ANKRD54: variants seen among roughly 807,000 people sequenced by gnomAD.
ANKRD54 encodes the protein ankyrin repeat domain 54.
A neutral mutation model predicts 36.2 loss-of-function variants in ANKRD54; 26 were observed. The ratio of observed to expected loss-of-function variants is 0.72; its 90% CI spans 0.53 to 1.00. ANKRD54 has a LOEUF of 1.00. ANKRD54 is among the 50% of genes least tolerant of loss of function. ANKRD54 has a pLI of 0.00. For missense variants in ANKRD54, 384 were observed against 424.3 expected, an observed-to-expected ratio of 0.91 and a Z score of 0.83; for synonymous variants, 209 against 188.4, an observed-to-expected ratio of 1.11 and a Z score of -0.89.
In ANKRD54 at chr22:37,844,087, G is replaced by T; in HGVS notation, c.152C>A (p.Ala51Glu). The T allele has an allele frequency of 6.9e-7, 1 of 1,448,816 alleles. No homozygotes were observed. Among genetic ancestry groups the T allele is most frequent in the East Asian group, 3.0e-5 (1 of 33,248 alleles). The allele number at this position is 1,448,816 out of a possible 1,614,324, so 89.7% of individuals were successfully genotyped here. The change falls in exon 1 of 8, where the codon GCG becomes GAG. Residue 51 changes from alanine to glutamate, a missense_variant. This residue lies in a region of ANKRD54 where 195 missense variants were observed against 177.7 expected (regional missense o/e 1.10). Coordinates refer to ENST00000215941, the MANE Select transcript of ANKRD54 (RefSeq NM_138797.4). ...DFGSALGGGGAGLSGRASGGA... is the reference protein window; with the variant it reads ...DFGSALGGGGEGLSGRASGGA... ...GCCGGACGCCCGGCCCGAGAGGCCCGCGCCGCCGCCGCCCAGCGCAGACCC... is the reference window on the plus strand; with the variant it reads ...GCCGGACGCCCGGCCCGAGAGGCCCTCGCCGCCGCCGCCCAGCGCAGACCC...
intron 4 of ANKRD54, 58 bp downstream of exon 4, chr22:37,833,626 T>A: frequency 1.3e-6 from 2 of 1,591,956 alleles, no homozygotes; most frequent in South Asian, 2.2e-5. Flanking sequence ...ACCCTCTTCA[T>A]CTAAAGAGCC....
upstream of ANKRD54, chr22:37,844,398 C>A (rs547804798): frequency 3.5e-5 from 25 of 713,806 alleles, no homozygotes; most frequent in Admixed American, 8.4e-4. Flanking sequence ...CGAGACAGAG[C>A]GGCGAACCAA....
intron 3 of ANKRD54, chr22:37,834,692 T>C: frequency 1.4e-5 from 1 of 69,572 alleles, no homozygotes; most frequent in Non-Finnish European, 2.4e-5. Flanking sequence ...AGACAGACCC[T>C]GTCTCAAAAA....
chr22:37,839,288 G>T (rs1923927270), intron 2 of ANKRD54, among the ~76,000 whole-genome samples: 1 of 152,160 alleles, frequency 6.6e-6, no homozygotes, highest in South Asian at 2.1e-4. Context: ...AGCCTTGAAG[G>T]ATATTCATCA....
rs1924075754 is a variant in ANKRD54 at position 37,840,372 on chromosome 22, C to T, written c.329-138G>A. 8.0e-6 allele frequency: 7 copies of T among 879,810 alleles called. 1 individual carries two copies. The East Asian group carries it at 1.9e-4, about 23-fold the overall frequency. 54.5% of individuals were successfully genotyped at this position (879,810 alleles called of 1,614,324 possible). The stretch of plus-strand genomic sequence containing the variant: ...AGGAGATCGAGACCATCCTGGCTAA[C>T]ATGGTGAAACCCCATCTCTACTAAA... On this transcript the variant is annotated intron_variant, in intron 1 of 7. Coordinates refer to ENST00000215941, the MANE Select transcript of ANKRD54 (RefSeq NM_138797.4).
chr22:37,834,157 G>A (rs1923237646), intron 3 of ANKRD54: 1 of 216,114 alleles, frequency 4.6e-6, no homozygotes, highest in Non-Finnish European at 9.7e-6. Context: ...GGCAGTCTTG[G>A]GATCACCTCA....
At chr22:37,838,780 C>T (rs759611345) in intron 2 of ANKRD54, among the ~76,000 whole-genome samples, 182 bp from the exon 3 acceptor site, 4 of 152,276 alleles carry the variant, frequency 2.6e-5, no homozygotes, top group Admixed American at 2.6e-4. Context: ...CTTCTGAGGG[C>T]ACAACTGAAG....
intron 2 of ANKRD54, among the ~76,000 whole-genome samples, chr22:37,838,843 A>C (rs1251550688): frequency 2.6e-5 from 4 of 152,154 alleles, no homozygotes; most frequent in Non-Finnish European, 5.9e-5. Context: ...ACATCGTAGG[A>C]GGTTCAAGGC....
At chr22:37,839,458 G>A (rs1017030536) in intron 2 of ANKRD54, among the ~76,000 whole-genome samples, 1 of 152,044 alleles carries the variant, frequency 6.6e-6, no homozygotes, top group East Asian at 1.9e-4. Context: ...CGTCATCTCC[G>A]CTCACTGCAA....
intron 2 of ANKRD54, 56 bp from the exon 3 acceptor site, chr22:37,838,654 C>T: frequency 6.5e-7 from 1 of 1,546,322 alleles, no homozygotes. Flanking sequence ...GTTAGCTAAG[C>T]TGCAGACCCG....
At chr22:37,841,082 G>GAAAAA (rs59447633) in intron 1 of ANKRD54, among the ~76,000 whole-genome samples, 1 of 122,996 alleles carries the variant, frequency 8.1e-6, no homozygotes, top group Non-Finnish European at 1.7e-5. Flanking sequence ...ACTGTCTCAG[G>GAAAAA]AAAAAAAAAA....
intron 3 of ANKRD54, among the ~76,000 whole-genome samples, chr22:37,834,986 G>A (rs1173207458): frequency 6.6e-6 from 1 of 152,040 alleles, no homozygotes; most frequent in Middle Eastern, 3.2e-3. Flanking sequence ...TGGAACCTAG[G>A]AGGTGGAGGT....
chr22:37,843,899 C>G lies in ANKRD54; in HGVS notation c.328+12G>C, dbSNP rs2145992347. On this transcript the variant is annotated intron_variant, in intron 1 of 7. Transcript: ENST00000215941. ...CCCCGCCCCGGGCCCCCGCGCCGCT[C>G]GCGCCGCTCACCGTGCACCTCCTTG... is the stretch of plus-strand genomic sequence containing the variant. 1.6e-6 allele frequency: 2 copies of G among 1,221,342 alleles called. No individual in the cohort carries two copies. Among genetic ancestry groups the G allele is most frequent in the African/African-American group, 3.2e-5 (2 of 63,378 alleles). The allele number at this position is 1,221,342 out of a possible 1,614,324, so 75.7% of individuals were successfully genotyped here.
rs763762757 is a variant in ANKRD54, at chr22:37,844,270, AG to A, written c.-33del. The A allele has an allele frequency of 1.0e-5, 16 of 1,542,362 alleles. No homozygotes were observed. Among genetic ancestry groups the A allele is most frequent in the Non-Finnish European group, 1.2e-5 (14 of 1,152,628 alleles). Reference sequence around the variant, plus strand: ...GGCTCCGCGCGGGCCTGGCCGCCTGAGCCTCGTTCCCGACCGACCAACGGAC... The same window carrying A: ...GGCTCCGCGCGGGCCTGGCCGCCTGACCTCGTTCCCGACCGACCAACGGAC... On this transcript the variant is annotated 5_prime_UTR_variant, in exon 1 of 8. Transcript: ENST00000215941.
At chr22:37,832,555 G>C in intron 7 of ANKRD54, 82 bp downstream of exon 7, 1 of 1,296,152 alleles carries the variant, frequency 7.7e-7, no homozygotes. Flanking sequence ...TCTGATACGA[G>C]TGTCTGGTGG....
Position 37,844,271 on chromosome 22 carries a change from G to A in ANKRD54, c.-33C>T. ...GCTCCGCGCGGGCCTGGCCGCCTGA[G>A]CCTCGTTCCCGACCGACCAACGGAC... On this transcript the variant is annotated 5_prime_UTR_variant, in exon 1 of 8. Transcript: ENST00000215941. 6.5e-7 allele frequency: 1 copy of A among 1,542,326 alleles called. No homozygotes were observed. Among genetic ancestry groups the A allele is most frequent in the African/African-American group, 1.4e-5 (1 of 69,964 alleles).
Position 37,832,714 on chromosome 22 carries a change from G to C in ANKRD54, c.751C>G (p.Arg251Gly). ...IIHMLREYLERLGQHEQRERL... is the reference protein window; with the variant it reads ...IIHMLREYLEGLGQHEQRERL... ...TCTCGCTGCTCATGTTGCCCTAGGCGCTCCAGATACTCCCTCAGCATATGG... is the reference window on the plus strand; with the variant it reads ...TCTCGCTGCTCATGTTGCCCTAGGCCCTCCAGATACTCCCTCAGCATATGG... Residue 251 changes from arginine to glycine, a missense_variant, in exon 7 of 8, where the codon CGC becomes GGC. This residue lies in a region of ANKRD54 where 179 missense variants were observed against 224.0 expected (regional missense o/e 0.80). Transcript: ENST00000215941. 1 of 1,614,172 alleles carries C rather than the reference G, an allele frequency of 6.2e-7. No homozygotes were observed. The highest frequency in any genetic ancestry group is 8.5e-7 in the Non-Finnish European group (1 of 1,180,032).
chr22:37,843,776 T>G (rs552515249), intron 1 of ANKRD54, 135 bp downstream of exon 1: 1 of 475,092 alleles, frequency 2.1e-6, no homozygotes, highest in East Asian at 4.7e-5. Context: ...AGGGTCAGTG[T>G]GGCCCTCAGC....
upstream of ANKRD54, chr22:37,849,276 G>A: frequency 1.3e-6 from 1 of 784,514 alleles, no homozygotes; most frequent in East Asian, 2.5e-5. Flanking sequence ...ACAGGTGTGA[G>A]CCACGGAACG....
Sources: gnomAD v4.1 joint callset for allele counts (sites outside exome capture counted in the v4.1 genomes callset) on GRCh38, gnomAD v4.1.1 for gene constraint, gnomAD v4.1.1 regional missense constraint, MANE v1.5 for transcripts, NCBI Gene and HGNC (gene_info 2026-07-23, HGNC 2026-07-21) for gene names.